The following DNAH2 variants were observed in gnomAD, a reference collection of about 807,000 sequenced individuals.
The protein encoded by DNAH2 is dynein axonemal heavy chain 2, also known as axonemal beta dynein heavy chain 2.
A neutral mutation model predicts 523.5 loss-of-function variants in DNAH2; 323 were observed. The observed-to-expected ratio is 0.62, with a 90% CI of 0.56 to 0.68. DNAH2 has a LOEUF of 0.68. DNAH2 is among the 30% of genes least tolerant of loss of function. DNAH2 has a pLI of 0.00. For missense variants in DNAH2, 4,907 were observed against 5,701.5 expected (o/e 0.86, Z 4.49); for synonymous variants, 2,093 against 2,177.4 (o/e 0.96, Z 1.08).
Position 7,760,410 on chromosome 17 carries a change from T to A in DNAH2, c.2786-330T>A, listed in dbSNP as rs7225101. 0.35 allele frequency among the ~76,000 whole-genome samples: 51,521 copies of A among 148,554 alleles called. 9,199 individuals are homozygous for A. Among genetic ancestry groups the A allele is most frequent in the Non-Finnish European group, 0.36 (24,550 of 67,382 alleles). On this transcript the variant is annotated intron_variant, in intron 17 of 85. Transcript: ENST00000572933. This position sits in a 1 kb window ranked among gnomAD's most constrained non-coding sequence, Gnocchi z 4.0. ...CCAGACTGGGGAAGGGAGCAGGGGC[T>A]TGGATGGGGGTTGAGATTAGGTGAC...
At chr17:7,750,201 A>G (rs2075645878) in intron 12 of DNAH2, among the ~76,000 whole-genome samples, 1 of 152,052 alleles carries the variant, frequency 6.6e-6, no homozygotes, top group Non-Finnish European at 1.5e-5. Context: ...TATTTTTGCT[A>G]GCGCAGCATT....
intron 63 of DNAH2, among the ~76,000 whole-genome samples, chr17:7,811,928 GA>G (rs2077528808): frequency 6.6e-6 from 1 of 152,186 alleles, no homozygotes; most frequent in Non-Finnish European, 1.5e-5. Context: ...AGTTCAGAAT[GA>G]AGTCTCTCGT....
chr17:7,817,094 T>C (rs1194226132), intron 64 of DNAH2, among the ~76,000 whole-genome samples, 196 bp from the exon 65 acceptor site: 2 of 152,160 alleles, frequency 1.3e-5, no homozygotes, highest in Non-Finnish European at 2.9e-5. Context: ...CACCAGAATG[T>C]AAACATTGCC....
Position 7,764,017 on chromosome 17 carries a change from G to A in DNAH2, c.3165G>A (p.Lys1055=), listed in dbSNP as rs1283239537. The change falls in exon 19 of 86, where the codon AAG becomes AAA. Residue 1055 remains lysine, a synonymous_variant. Transcript: ENST00000572933. The stretch of plus-strand genomic sequence containing the variant: ...TCCTGGAGCTGCACACCTACCTGAA[G>A]GAGAACGCAGAGAAGTGCGGGCTGG... ...GRLLELHTYL[K]ENAEKISRPP... is the part of the protein sequence containing the mutation. 6.2e-7 allele frequency: 1 copy of A among 1,614,214 alleles called. No homozygotes were observed. The highest frequency in any genetic ancestry group is 1.7e-5 in the Admixed American group (1 of 60,026).
Position 7,718,554 on chromosome 17 carries a change from A to G in DNAH2, c.-260A>G, listed in dbSNP as rs1258557107. On this transcript the variant is annotated 5_prime_UTR_variant, in exon 1 of 86. Transcript: ENST00000572933. ...CTTCCTGCCATCCTACCTTTCTGAG[A>G]GAGGCACCACTGTGACCTTCCTCGT... The G allele has an allele frequency of 4.6e-5, 7 of 152,262 alleles. No homozygotes were observed. The highest frequency in any genetic ancestry group is 7.3e-5 in the Non-Finnish European group (5 of 68,030). 9.4% of individuals were successfully genotyped at this position (152,262 alleles called of 1,614,324 possible). A position where few individuals can be genotyped will look rare whatever the true frequency, so the allele number is the denominator to read the frequency against.
At chr17:7,819,506 G>A in intron 72 of DNAH2, 98 bp downstream of exon 72, 2 of 1,308,314 alleles carry the variant, frequency 1.5e-6, no homozygotes, top group Admixed American at 1.8e-5. Context: ...GCGGCTCTCA[G>A]CCTGCCGCTG....
chr17:7,827,486 C>T (rs1350128361), intron 77 of DNAH2, among the ~76,000 whole-genome samples: 1 of 152,028 alleles, frequency 6.6e-6, no homozygotes, highest in African/African-American at 2.4e-5. Flanking sequence ...TGCTCTGTCA[C>T]CCAGGCTAGA....
At chr17:7,804,166 C>G in intron 58 of DNAH2, 90 bp from the exon 59 acceptor site, 1 of 1,363,730 alleles carries the variant, frequency 7.3e-7, no homozygotes, top group Non-Finnish European at 1.0e-6. Flanking sequence ...GGAAGGCGGA[C>G]TCGAGACACA....
In DNAH2 at chr17:7,807,678, G is replaced by GC. The variant is rs1464005796; in HGVS notation, c.9729+97dup. 16 of 1,137,390 alleles carry GC rather than the reference G, an allele frequency of 1.4e-5. No individual in the cohort carries two copies. Among genetic ancestry groups the GC allele is most frequent in the Non-Finnish European group, 2.1e-5 (16 of 778,294 alleles). 70.5% of individuals were successfully genotyped at this position (1,137,390 alleles called of 1,614,324 possible). A position where few individuals can be genotyped will look rare whatever the true frequency, so the allele number is the denominator to read the frequency against. ...ATTTGTTTTCCCCCATCTAATTCTAGCCCCCTTCCCCATGTCCTGTGCCAT... is the reference window on the plus strand; with the variant it reads ...ATTTGTTTTCCCCCATCTAATTCTAGCCCCCCTTCCCCATGTCCTGTGCCAT... On this transcript the variant is annotated intron_variant, in intron 63 of 85. Coordinates refer to ENST00000572933, the MANE Select transcript of DNAH2 (RefSeq NM_020877.5). This position sits in a 1 kb window ranked among gnomAD's most constrained non-coding sequence, Gnocchi z 5.6.
chr17:7,824,979 GCACA>G (rs769006426), intron 77 of DNAH2, among the ~76,000 whole-genome samples: 6 of 152,192 alleles, frequency 3.9e-5, no homozygotes, highest in Admixed American at 1.3e-4. Flanking sequence ...ATGGGTGTGT[GCACA>G]CACACACCCT....
At position 7,758,901 on chromosome 17, in the gene DNAH2, A is replaced by T. The variant is rs1223587307; in HGVS notation, c.2225A>T (p.Asn742Ile). ...IHASKVQMIV[N>I]EFKASTLTIG... The stretch of plus-strand genomic sequence containing the variant: ...TGACTCTAGGTGCAGATGATTGTGA[A>T]TGAGTTCAAGGCATCCACTCTGACC... The change falls in exon 15 of 86, where the codon AAT becomes ATT. Residue 742 changes from asparagine (N) to isoleucine (I), a missense_variant. This residue lies in a region of DNAH2 where 2,806 missense variants were observed against 3,190.8 expected (regional missense o/e 0.88). Coordinates refer to ENST00000572933, the MANE Select transcript of DNAH2 (RefSeq NM_020877.5). The T allele has an allele frequency of 3.1e-6, 5 of 1,614,012 alleles. No individual in the cohort carries two copies. The highest frequency in any genetic ancestry group is 1.3e-5 in the African/African-American group (1 of 74,928).
Position 7,804,448 on chromosome 17 carries a change from G to A in DNAH2, c.9165G>A (p.Glu3055=), listed in dbSNP as rs2077309522. The change falls in exon 59 of 86, where the codon GAG becomes GAA. Residue 3055 remains glutamate, a synonymous_variant. Coordinates refer to ENST00000572933, the MANE Select transcript of DNAH2 (RefSeq NM_020877.5). ...YLVIIVQQKR[E]ADEQQKAVTA... ...TCATCATTGTGCAGCAGAAGCGGGA[G>A]GCAGATGAGCAGCAGAAGGTCCAGG... The A allele has an allele frequency of 2.5e-6, 4 of 1,613,764 alleles. No homozygotes were observed. Among genetic ancestry groups the A allele is most frequent in the Non-Finnish European group, 3.4e-6 (4 of 1,180,022 alleles).
intron 69 of DNAH2, 45 bp from the exon 70 acceptor site, chr17:7,818,598 G>A (rs1171713495): frequency 1.2e-6 from 2 of 1,610,354 alleles, no homozygotes; most frequent in Non-Finnish European, 1.7e-6. Context: ...GAAGGTGAAG[G>A]TCGAAGGAGT....
chr17:7,743,122 G>C lies in DNAH2; in HGVS notation c.1884G>C (p.Met628Ile), dbSNP rs1296542604. 1.3e-6 allele frequency: 2 copies of C among 1,584,612 alleles called. No individual in the cohort carries two copies. Among genetic ancestry groups the C allele is most frequent in the Admixed American group, 1.9e-5 (1 of 52,630 alleles). ...LLRISQEKAG[M>I]LDVNFDKSLL... ...GAATCAGCCAGGAGAAGGCGGGCAT[G>C]CTGGATGTCAACTTTGACAAGTACA... The change falls in exon 12 of 86, where the codon ATG (methionine) becomes ATC (isoleucine). Residue 628 changes from methionine (M) to isoleucine (I), a missense_variant. Met to Ile is a conservative substitution (Grantham distance 10, BLOSUM62 1). This residue lies in a region of DNAH2 where 2,806 missense variants were observed against 3,190.8 expected (regional missense o/e 0.88). Transcript: ENST00000572933.
At chr17:7,744,997 T>TC (rs1219027153) in intron 12 of DNAH2, among the ~76,000 whole-genome samples, 1 of 145,640 alleles carries the variant, frequency 6.9e-6, no homozygotes, top group Non-Finnish European at 1.5e-5. Context: ...TTTACATTTC[T>TC]TTTTTTTTTT....
intron 65 of DNAH2, 21 bp downstream of exon 65, chr17:7,817,436 G>A (rs1394853816): frequency 1.2e-6 from 2 of 1,613,674 alleles, no homozygotes; most frequent in Admixed American, 3.3e-5. Flanking sequence ...ACTCAGGCAT[G>A]ACAAGTAGGC....
At chr17:7,723,271 T>TTTC (rs1424248609) in intron 2 of DNAH2, among the ~76,000 whole-genome samples, 1 of 128,850 alleles carries the variant, frequency 7.8e-6, no homozygotes, top group Non-Finnish European at 1.6e-5. Context: ...TACCCGGCTT[T>TTTC]TTTTTTTTTT....
intron 28 of DNAH2, among the ~76,000 whole-genome samples, chr17:7,773,915 A>G (rs1001110799): frequency 4.6e-5 from 7 of 152,112 alleles, no homozygotes; most frequent in Admixed American, 2.6e-4. Context: ...TTTTTAGTAG[A>G]GATGGGATTT....
chr17:7,816,786 G>T, intron 64 of DNAH2, 51 bp downstream of exon 64: 1 of 1,595,226 alleles, frequency 6.3e-7, no homozygotes, highest in Non-Finnish European at 8.6e-7. Context: ...CGCCACTTCC[G>T]AGAGACCCAT....
Sources: gnomAD v4.1 joint callset for allele counts (sites outside exome capture counted in the v4.1 genomes callset) on GRCh38, gnomAD v4.1.1 for gene constraint, gnomAD v4.1.1 regional missense constraint, Gnocchi (gnomAD v3.1) non-coding constraint, MANE v1.5 for transcripts, NCBI Gene and HGNC (gene_info 2026-07-23, HGNC 2026-07-21) for gene names.